ELAVL2: variants seen among roughly 807,000 people sequenced by gnomAD.
The protein encoded by ELAVL2 is ELAV-like protein 2.
In ELAVL2, 4 loss-of-function variants were observed where a neutral mutation model predicts 34.6. The observed-to-expected ratio is 0.12, with a 90% CI of 0.06 to 0.26. The LOEUF (loss-of-function observed/expected upper bound fraction) is 0.26, where lower values mean the gene tolerates loss of function less well. ELAVL2 is among the 10% of genes least tolerant of loss of function. The pLI, the probability that ELAVL2 is intolerant of heterozygous loss-of-function variation, is 1.00. For synonymous variants in ELAVL2, 193 were observed against 154.8 expected (o/e 1.25, Z -1.83); for missense variants, 432 against 442.8 (o/e 0.98, Z 0.22).
At chr9:23,803,380 G>A (rs894158723) in intron 1 of ELAVL2, among the ~76,000 whole-genome samples, 8 of 152,138 alleles carry the variant, frequency 5.3e-5, no homozygotes, top group African/African-American at 1.9e-4. Flanking sequence ...AAAAATGCTT[G>A]AGTATCTTAT....
At chr9:23,764,540 T>A (rs1007798010) in intron 1 of ELAVL2, among the ~76,000 whole-genome samples, 1 of 152,178 alleles carries the variant, frequency 6.6e-6, no homozygotes, top group African/African-American at 2.4e-5. Flanking sequence ...ACACAACTGT[T>A]CACAGAATGC....
chr9:23,694,913 T>C (rs2034591414), intron 5 of ELAVL2, among the ~76,000 whole-genome samples: 2 of 152,120 alleles, frequency 1.3e-5, no homozygotes, highest in African/African-American at 2.4e-5. Context: ...ACCCTCTCAT[T>C]GCACCACTGA....
intron 2 of ELAVL2, among the ~76,000 whole-genome samples, chr9:23,755,115 T>C (rs2053223142): frequency 6.6e-6 from 1 of 152,200 alleles, no homozygotes; most frequent in African/African-American, 2.4e-5. Flanking sequence ...ACTTTAGTTT[T>C]ATAATACTTT....
At chr9:23,745,126 C>T (rs2050189775) in intron 2 of ELAVL2, among the ~76,000 whole-genome samples, 1 of 152,076 alleles carries the variant, frequency 6.6e-6, no homozygotes, top group Admixed American at 6.6e-5. Context: ...ATCACTTGAG[C>T]TTGGGAGCTT....
chr9:23,813,988 G>A (rs1287210049), intron 1 of ELAVL2, among the ~76,000 whole-genome samples: 30 of 152,124 alleles, frequency 2.0e-4, no homozygotes, highest in Admixed American at 2.0e-3. Context: ...CATCCTTAAG[G>A]CGCAGTCGAT....
chr9:23,814,018 G>C (rs2063377388), intron 1 of ELAVL2, among the ~76,000 whole-genome samples: 1 of 152,092 alleles, frequency 6.6e-6, no homozygotes, highest in Admixed American at 6.5e-5. Context: ...CTCCATTGTT[G>C]TTGCTCCATC....
At chr9:23,739,992 T>C (rs890196843) in intron 2 of ELAVL2, among the ~76,000 whole-genome samples, 2 of 152,134 alleles carry the variant, frequency 1.3e-5, no homozygotes, top group African/African-American at 4.8e-5. Flanking sequence ...CGGGAAACTA[T>C]AAAATTAGAC....
chr9:23,801,638 C>T (rs556658360), intron 1 of ELAVL2, among the ~76,000 whole-genome samples: 85 of 152,288 alleles, frequency 5.6e-4, no homozygotes, highest in African/African-American at 2.0e-3. Flanking sequence ...ATTTCTTGAT[C>T]CAGTTAGGGT....
chr9:23,743,998 C>G (rs746362563), intron 2 of ELAVL2, among the ~76,000 whole-genome samples: 1 of 152,164 alleles, frequency 6.6e-6, no homozygotes, highest in African/African-American at 2.4e-5. Context: ...ACTTGGCAAA[C>G]ACATTTTAAG....
chr9:23,850,207 G>A, the ELAVL2 span, among the ~76,000 whole-genome samples: 2 of 151,714 alleles, frequency 1.3e-5, no homozygotes, highest in African/African-American at 4.8e-5. Context: ...TTTTGACCGT[G>A]GACTGGCTTA....
chr9:23,843,396 T>A, the ELAVL2 span, among the ~76,000 whole-genome samples: 7 of 152,214 alleles, frequency 4.6e-5, no homozygotes, highest in African/African-American at 1.7e-4. Flanking sequence ...TCACACAAAG[T>A]ACTAATCACT....
chr9:23,702,784 G>A (rs1407398435), intron 4 of ELAVL2, among the ~76,000 whole-genome samples: 1 of 151,322 alleles, frequency 6.6e-6, no homozygotes, highest in Non-Finnish European at 1.5e-5. Flanking sequence ...AAAATTGCAG[G>A]GTTTCATTTT....
intron 1 of ELAVL2, among the ~76,000 whole-genome samples, chr9:23,821,026 C>G (rs1326990908): frequency 6.6e-6 from 1 of 152,214 alleles, no homozygotes; most frequent in Non-Finnish European, 1.5e-5. Flanking sequence ...TGTTAAGTCT[C>G]CAAACGCCCC....
chr9:23,795,270 G>C (rs1465476866), intron 1 of ELAVL2, among the ~76,000 whole-genome samples: 1 of 152,176 alleles, frequency 6.6e-6, no homozygotes, highest in Non-Finnish European at 1.5e-5. Context: ...AATGTTGGGC[G>C]TGGTGGCTCA....
intron 3 of ELAVL2, among the ~76,000 whole-genome samples, chr9:23,710,022 G>T (rs903022976): frequency 6.6e-6 from 1 of 152,084 alleles, no homozygotes. Flanking sequence ...GAGGGACGGG[G>T]AGGCAGTAAG....
intron 5 of ELAVL2, among the ~76,000 whole-genome samples, chr9:23,694,880 G>C (rs2034568793): frequency 6.6e-6 from 1 of 152,138 alleles, no homozygotes; most frequent in African/African-American, 2.4e-5. Flanking sequence ...GTGCGTGTGT[G>C]TGTGTGCGTG....
intron 5 of ELAVL2, among the ~76,000 whole-genome samples, chr9:23,696,312 T>C (rs1322238253): frequency 6.6e-6 from 1 of 152,046 alleles, no homozygotes; most frequent in Non-Finnish European, 1.5e-5. Flanking sequence ...GTGCTCTACA[T>C]GGGCACCATT....
At chr9:23,696,368 G>GTAAGAGAAAATA in intron 5 of ELAVL2, among the ~76,000 whole-genome samples, 1 of 152,198 alleles carries the variant, frequency 6.6e-6, no homozygotes, top group East Asian at 1.9e-4. Context: ...ACAGGCAGTT[G>GTAAGAGAAAATA]TAAGAGAAAA....
the ELAVL2 span, among the ~76,000 whole-genome samples, chr9:23,842,109 T>C: frequency 1.2e-3 from 178 of 152,310 alleles, no homozygotes; most frequent in Non-Finnish European, 2.0e-3. Flanking sequence ...TAATGTTTTA[T>C]CTAAGTCTCA....
Sources: allele counts gnomAD v4.1 joint callset (sites outside exome capture counted in the v4.1 genomes callset), GRCh38; gene constraint gnomAD v4.1.1; transcripts MANE v1.5; gene names NCBI Gene and HGNC (gene_info 2026-07-23, HGNC 2026-07-21).